MSH4: variants seen among roughly 807,000 people sequenced by gnomAD.
MSH4 encodes mutS protein homolog 4.
A neutral mutation model predicts 113.7 loss-of-function variants in MSH4; 106 were observed. That is an observed-to-expected ratio of 0.93 (90% CI 0.80 to 1.10). MSH4 has a LOEUF of 1.10. MSH4 is among the 50% of genes least tolerant of loss of function. MSH4 has a pLI of 0.00. For missense variants in MSH4, 1,061 were observed against 1,093.7 expected, an observed-to-expected ratio of 0.97 and a Z score of 0.42; for synonymous variants, 368 against 380.2, an observed-to-expected ratio of 0.97 and a Z score of 0.37.
At chr1:75,894,917 A>G (rs1381868344) in intron 17 of MSH4, among the ~76,000 whole-genome samples, 1 of 152,148 alleles carries the variant, frequency 6.6e-6, no homozygotes, top group Non-Finnish European at 1.5e-5. Flanking sequence ...CTTCCAATAT[A>G]TGATGCTGTT....
intron 6 of MSH4, among the ~76,000 whole-genome samples, chr1:75,820,932 T>G (rs1650394734): frequency 1.3e-5 from 2 of 150,914 alleles, no homozygotes; most frequent in Admixed American, 6.6e-5. Context: ...ACAAAGAGAC[T>G]TAGACTCCCA....
At chr1:75,888,907 T>A (rs901384849) in intron 15 of MSH4, among the ~76,000 whole-genome samples, 1 of 151,100 alleles carries the variant, frequency 6.6e-6, no homozygotes, top group Non-Finnish European at 1.5e-5. Flanking sequence ...TTTTTTTTTT[T>A]TTTTTGAGAC....
intron 10 of MSH4, 36 bp from the exon 11 acceptor site, chr1:75,878,113 T>C: frequency 1.4e-6 from 2 of 1,395,440 alleles, no homozygotes; most frequent in Non-Finnish European, 2.0e-6. Flanking sequence ...CTTTGACTTA[T>C]TGCCTATAAT....
At chr1:75,810,488 C>T (rs1443979487) in intron 3 of MSH4, among the ~76,000 whole-genome samples, 1 of 149,176 alleles carries the variant, frequency 6.7e-6, no homozygotes, top group Non-Finnish European at 1.5e-5. Flanking sequence ...CTCCTGGCCT[C>T]AAGTGATCTG....
rs768383910 is a variant in MSH4, at chr1:75,807,077, G to A, written c.524G>A (p.Ser175Asn). The change falls in exon 3 of 20, where the codon AGT becomes AAT. Residue 175 changes from serine (S) to asparagine (N), a missense_variant. Transcript: ENST00000263187. ...GLARGEIGMA[S>N]IDLKNPQIIL... ...GCCAGAGGTGAAATAGGAATGGCAA[G>A]TATTGATTTAAAAAACCCCCAAATT... 7.6e-6 allele frequency: 12 copies of A among 1,587,526 alleles called. No individual in the cohort carries two copies. The South Asian group carries it at 1.1e-4, about 14-fold the overall frequency.
At chr1:75,906,866 C>CG (rs768026777) in intron 19 of MSH4, among the ~76,000 whole-genome samples, 1 of 146,828 alleles carries the variant, frequency 6.8e-6, no homozygotes, top group Non-Finnish European at 1.5e-5. Flanking sequence ...TTGAGTCTCA[C>CG]TCTCTTGCCC....
In MSH4 at chr1:75,891,580, A is replaced by C. The variant is rs377440955; in HGVS notation, c.2355+756A>C. Among the ~76,000 whole-genome samples, 8 of 152,134 alleles carry C rather than the reference A, an allele frequency of 5.3e-5. No individual in the cohort carries two copies. The East Asian group carries it at 1.6e-3, about 29-fold the overall frequency. ...GCAATCCTCCTGCCGCAGCCTCCTG[A>C]GTAGCTGGGACTGCAGGCATGCACC... On this transcript the variant is annotated intron_variant, in intron 17 of 19. Transcript: ENST00000263187.
intron 7 of MSH4, among the ~76,000 whole-genome samples, chr1:75,843,003 A>C (rs1650995360): frequency 6.6e-6 from 1 of 152,166 alleles, no homozygotes; most frequent in Non-Finnish European, 1.5e-5. Context: ...TGCCTTCTAG[A>C]TAGCAGTAAT....
intron 8 of MSH4, among the ~76,000 whole-genome samples, chr1:75,855,021 G>A (rs1373109307): frequency 1.4e-5 from 2 of 142,298 alleles, no homozygotes; most frequent in Non-Finnish European, 3.1e-5. Flanking sequence ...TAGATAATTA[G>A]TATTTGTATT....
chr1:75,808,713 G>C (rs1345749465), intron 3 of MSH4, among the ~76,000 whole-genome samples: 2 of 152,050 alleles, frequency 1.3e-5, no homozygotes, highest in Non-Finnish European at 1.5e-5. Context: ...CTACTGAACT[G>C]TATTTGAATT....
intron 15 of MSH4, 133 bp downstream of exon 15, chr1:75,883,954 A>G (rs1019291159): frequency 4.6e-6 from 3 of 657,910 alleles, no homozygotes; most frequent in Non-Finnish European, 7.8e-6. Context: ...TAAAAGTATA[A>G]CAGTGTGTCT....
chr1:75,891,695 C>T (rs1217296160), intron 17 of MSH4, among the ~76,000 whole-genome samples: 1 of 152,114 alleles, frequency 6.6e-6, no homozygotes, highest in Non-Finnish European at 1.5e-5. Flanking sequence ...CTCAAGTGAT[C>T]CACTCACTTC....
At chr1:75,834,671 A>G (rs528475900) in intron 7 of MSH4, among the ~76,000 whole-genome samples, 2 of 152,338 alleles carry the variant, frequency 1.3e-5, no homozygotes, top group Admixed American at 6.5e-5. Flanking sequence ...AGAGCAAACT[A>G]TCACAAGGAC....
intron 19 of MSH4, among the ~76,000 whole-genome samples, chr1:75,908,772 T>G (rs560679386): frequency 6.6e-6 from 1 of 152,310 alleles, no homozygotes; most frequent in South Asian, 2.1e-4. Context: ...GTGATTCCCC[T>G]TAATCCTAGA....
chr1:75,896,701 C>A (rs570441406), intron 17 of MSH4, among the ~76,000 whole-genome samples: 3 of 152,072 alleles, frequency 2.0e-5, no homozygotes, highest in African/African-American at 7.2e-5. Context: ...AACACAGTAT[C>A]CTTAGTGCCT....
chr1:75,886,496 A>G (rs1420491019), intron 15 of MSH4, among the ~76,000 whole-genome samples: 1 of 113,894 alleles, frequency 8.8e-6, no homozygotes, highest in Non-Finnish European at 1.7e-5. Flanking sequence ...TGTATTATAT[A>G]TGATGTATTA....
At chr1:75,824,304 C>T (rs1251271) in intron 7 of MSH4, among the ~76,000 whole-genome samples, 5,606 of 152,220 alleles carry the variant, frequency 0.037, 348 homozygotes, top group African/African-American at 0.13. Context: ...ATATCCTCTG[C>T]CCACTTTTTG....
chr1:75,889,216 C>T, intron 15 of MSH4, 35 bp from the exon 16 acceptor site: 1 of 953,096 alleles, frequency 1.0e-6, no homozygotes, highest in Non-Finnish European at 1.6e-6. Flanking sequence ...ATTTTATAAA[C>T]ACATTTCAGT....
chr1:75,856,446 AC>A (rs1365175948), intron 8 of MSH4, among the ~76,000 whole-genome samples: 1 of 151,162 alleles, frequency 6.6e-6, no homozygotes, highest in Non-Finnish European at 1.5e-5. Context: ...CTAGCCCTCC[AC>A]CCCCGACAGG....
Sources: gnomAD v4.1 joint callset for allele counts (sites outside exome capture counted in the v4.1 genomes callset) on GRCh38, gnomAD v4.1.1 for gene constraint, MANE v1.5 for transcripts, NCBI Gene and HGNC (gene_info 2026-07-23, HGNC 2026-07-21) for gene names.